ATG2A: variants seen among roughly 807,000 people sequenced by gnomAD.
The protein encoded by ATG2A is autophagy-related protein 2 homolog A.
Under a neutral mutation model 214.2 loss-of-function variants are expected in ATG2A, and 103 were observed. The ratio of observed to expected loss-of-function variants is 0.48; its 90% confidence interval spans 0.41 to 0.57. The LOEUF (loss-of-function observed/expected upper bound fraction) is 0.57, where lower values mean the gene tolerates loss of function less well. Among genes scored for constraint, ATG2A ranks in the 20% least tolerant of loss-of-function variants. The pLI, the probability that ATG2A is intolerant of heterozygous loss-of-function variation, is 0.00. For synonymous variants in ATG2A, 1,160 were observed against 1,142.1 expected, an observed-to-expected ratio of 1.02 and a Z score of -0.32; for missense variants, 2,312 against 2,613.2, an observed-to-expected ratio of 0.88 and a Z score of 2.51.
Position 64,895,529 on chromosome 11 carries a change from G to A in ATG2A, c.5428-87C>T. ...CCCAGGACAGTCTGAGACCCCACCA[G>A]CCCTCAGCCTCCCTGCCTGTCACTG... is the stretch of plus-strand genomic sequence containing the variant. On this transcript the variant is annotated intron_variant, in intron 39 of 40. Coordinates refer to ENST00000377264, the MANE Select transcript of ATG2A (RefSeq NM_015104.3). This position sits in a 1 kb window ranked among gnomAD's most constrained non-coding sequence, Gnocchi z 5.0. The A allele has an allele frequency of 1.9e-5, 26 of 1,392,368 alleles. No individual in the cohort carries two copies. The highest frequency in any genetic ancestry group is 2.5e-5 in the Non-Finnish European group (26 of 1,055,564). The allele number at this position is 1,392,368 out of a possible 1,614,324, so 86.3% of individuals were successfully genotyped here. A position where few individuals can be genotyped will look rare whatever the true frequency, so the allele number is the denominator to read the frequency against.
At position 64,909,899 on chromosome 11, in the gene ATG2A, T is replaced by G; in HGVS notation, c.1889A>C (p.Gln630Pro). The G allele has an allele frequency of 1.9e-6, 3 of 1,604,710 alleles. No individual in the cohort carries two copies. Among genetic ancestry groups the G allele is most frequent in the Non-Finnish European group, 2.6e-6 (3 of 1,176,080 alleles). The change falls in exon 14 of 41, where the codon CAG becomes CCG. Residue 630 changes from glutamine (Q) to proline (P), a missense_variant. Gln to Pro is a moderately conservative substitution (Grantham distance 76). Transcript: ENST00000377264. Reference protein sequence around the residue: ...LLTEPLPAMEQQTVFRLSAPR... With the variant: ...LLTEPLPAMEPQTVFRLSAPR... ...TGCAGAGAGCCGAAATACCGTCTGC[T>G]GCTCCATCGCCGGCAGGGGCTCTGT...
Position 64,895,231 on chromosome 11 carries a change from G to A in ATG2A, c.5581-22C>T, listed in dbSNP as rs755716969. 5 of 1,613,050 alleles carry A rather than the reference G, an allele frequency of 3.1e-6. No individual in the cohort carries two copies. Among genetic ancestry groups the A allele is most frequent in the East Asian group, 4.5e-5 (2 of 44,888 alleles). On this transcript the variant is annotated intron_variant, in intron 40 of 40. Coordinates refer to ENST00000377264, the MANE Select transcript of ATG2A (RefSeq NM_015104.3). This position sits in a 1 kb window ranked among gnomAD's most constrained non-coding sequence, Gnocchi z 5.0. Reference sequence around the variant, plus strand: ...TGCCCTGTGGAAGCCAGAGGTCAGGGCGGGGTCTGTGTGAGGAGATGGGCA... The same window carrying A: ...TGCCCTGTGGAAGCCAGAGGTCAGGACGGGGTCTGTGTGAGGAGATGGGCA...
At chr11:64,910,337 C>A (rs540741296) in intron 12 of ATG2A, 142 bp from the exon 13 acceptor site, 3 of 1,289,598 alleles carry the variant, frequency 2.3e-6, no homozygotes, top group Non-Finnish European at 1.0e-6. Context: ...TTGCCCGACG[C>A]GCACAATGTG....
Position 64,903,241 on chromosome 11 carries a change from C to T in ATG2A, c.3612+47G>A, listed in dbSNP as rs765731784. ...GCAGCCCCTGAAGACTCCCTTGGCCCCTGCACCTGCTGTGGCTCCAGGAGC... is the reference window on the plus strand; with the variant it reads ...GCAGCCCCTGAAGACTCCCTTGGCCTCTGCACCTGCTGTGGCTCCAGGAGC... On this transcript the variant is annotated intron_variant, in intron 26 of 40. Coordinates refer to ENST00000377264, the MANE Select transcript of ATG2A (RefSeq NM_015104.3). The surrounding 1 kb of genome is among the most constrained non-coding windows in gnomAD (Gnocchi z 4.2). 3.8e-6 allele frequency: 6 copies of T among 1,582,110 alleles called. No individual in the cohort carries two copies. The Admixed American group carries it at 8.4e-5, about 22-fold the overall frequency.
Position 64,895,234 on chromosome 11 carries a change from G to C in ATG2A, c.5581-25C>G, listed in dbSNP as rs778862990. ...CCTGTGGAAGCCAGAGGTCAGGGCG[G>C]GGTCTGTGTGAGGAGATGGGCATGG... On this transcript the variant is annotated intron_variant, in intron 40 of 40. Transcript: ENST00000377264. The surrounding 1 kb of genome is among the most constrained non-coding windows in gnomAD (Gnocchi z 5.0). The C allele has an allele frequency of 6.2e-7, 1 of 1,613,028 alleles. No homozygotes were observed. The highest frequency in any genetic ancestry group is 1.3e-5 in the African/African-American group (1 of 74,916).
In ATG2A at chr11:64,902,095, G is replaced by C. The variant is rs369091434; in HGVS notation, c.3986C>G (p.Pro1329Arg). The change falls in exon 29 of 41, where the codon CCT becomes CGT. Residue 1329 changes from proline to arginine, a missense_variant. By Grantham distance (103) the Pro-to-Arg change is moderately radical. Transcript: ENST00000377264. ...TAAGCTGCCAGCAGGGCCCCCGACA[G>C]GTGGTGAAGGGGGTGGGGCCCCACT... is the stretch of plus-strand genomic sequence containing the variant. ...ERSGAPPPSPPVGGPAGSLGS... is the reference protein window; with the variant it reads ...ERSGAPPPSPRVGGPAGSLGS... 1 of 1,614,012 alleles carries C rather than the reference G, an allele frequency of 6.2e-7. No individual in the cohort carries two copies. Among genetic ancestry groups the C allele is most frequent in the Non-Finnish European group, 8.5e-7 (1 of 1,180,028 alleles).
At chr11:64,911,719 G>T in intron 9 of ATG2A, 123 bp downstream of exon 9, 1 of 1,387,384 alleles carries the variant, frequency 7.2e-7, no homozygotes, top group Non-Finnish European at 9.7e-7. Context: ...AGGGAACCAA[G>T]TCACAGATGG....
At chr11:64,912,530 A>G in intron 6 of ATG2A, 107 bp from the exon 7 acceptor site, 1 of 926,836 alleles carries the variant, frequency 1.1e-6, no homozygotes, top group Non-Finnish European at 1.6e-6. Context: ...TGGCTACCAA[A>G]CTAAACTCTG....
chr11:64,897,908 G>C lies in ATG2A; in HGVS notation c.4925C>G (p.Thr1642Ser). The change falls in exon 35 of 41, where the codon ACT (threonine) becomes AGT (serine). Residue 1642 changes from threonine (T) to serine (S), a missense_variant. Transcript: ENST00000377264. ...LEGQAEGVET[T>S]GSQEAPGGGH... is the part of the protein sequence containing the mutation. ...ACCTCCTGGGGCCTCCTGCGAACCAGTGGTCTCTACGCCTTCGGCCTGCCC... is the reference window on the plus strand; with the variant it reads ...ACCTCCTGGGGCCTCCTGCGAACCACTGGTCTCTACGCCTTCGGCCTGCCC... 1.3e-6 allele frequency: 2 copies of C among 1,563,194 alleles called. No homozygotes were observed. The highest frequency in any genetic ancestry group is 1.7e-6 in the Non-Finnish European group (2 of 1,154,546).
chr11:64,901,153 C>T lies in ATG2A; in HGVS notation c.4120-61G>A. On this transcript the variant is annotated intron_variant, in intron 29 of 40. Coordinates refer to ENST00000377264, the MANE Select transcript of ATG2A (RefSeq NM_015104.3). The stretch of plus-strand genomic sequence containing the variant: ...TTCGATCCAGCCCAGCTGCCCCCAG[C>T]CCCAGCAACCTGGCCTCACTTCTTT... 2.7e-6 allele frequency: 4 copies of T among 1,482,094 alleles called. 1 individual carries two copies. Among genetic ancestry groups the T allele is most frequent in the Non-Finnish European group, 1.8e-6 (2 of 1,104,242 alleles). The allele number at this position is 1,482,094 out of a possible 1,614,324, so 91.8% of individuals were successfully genotyped here.
At chr11:64,915,536 C>T (rs912762800) in intron 1 of ATG2A, among the ~76,000 whole-genome samples, 5 of 152,036 alleles carry the variant, frequency 3.3e-5, no homozygotes, top group Non-Finnish European at 7.4e-5. Flanking sequence ...GCCTTCAAGG[C>T]GGGGCCTGCA....
At chr11:64,908,006 C>T (rs1414969887) in intron 16 of ATG2A, 116 bp from the exon 17 acceptor site, 2 of 1,243,296 alleles carry the variant, frequency 1.6e-6, no homozygotes, top group Non-Finnish European at 2.2e-6. Context: ...TCATAGGAGC[C>T]CTTCTCTACT....
rs1944443651 is a variant in ATG2A at position 64,903,747 on chromosome 11, A to G, written c.3465-87T>C. ...CCGAGCAGAGGGGTCCCAAGCCCAC[A>G]GGAGGTGGTATGGACAGGCCCCTCC... On this transcript the variant is annotated intron_variant, in intron 24 of 40. Coordinates refer to ENST00000377264, the MANE Select transcript of ATG2A (RefSeq NM_015104.3). This position sits in a 1 kb window ranked among gnomAD's most constrained non-coding sequence, Gnocchi z 4.2. 1.5e-6 allele frequency: 2 copies of G among 1,336,686 alleles called. No individual in the cohort carries two copies. The highest frequency in any genetic ancestry group is 1.0e-6 in the Non-Finnish European group (1 of 974,128). The allele number at this position is 1,336,686 out of a possible 1,614,324, so 82.8% of individuals were successfully genotyped here. A position where few individuals can be genotyped will look rare whatever the true frequency, so the allele number is the denominator to read the frequency against.
At chr11:64,904,615 GAATA>G (rs1944474317) in intron 24 of ATG2A, among the ~76,000 whole-genome samples, 1 of 151,828 alleles carries the variant, frequency 6.6e-6, no homozygotes, top group African/African-American at 2.4e-5. Flanking sequence ...AGATATTTTA[GAATA>G]AAGAAAATAA....
chr11:64,906,231 AGCCCCACCGTGCACTGGG>A (rs774999615), intron 21 of ATG2A, 38 bp from the exon 22 acceptor site: 1 of 1,609,286 alleles, frequency 6.2e-7, no homozygotes, highest in Admixed American at 1.7e-5. Context: ...TGGGGAGGCC[AGCCCCACCGTGCACTGGG>A]GCCTCACCGC....
In ATG2A at chr11:64,911,200, G is replaced by A; in HGVS notation, c.1304C>T (p.Thr435Ile). 6.2e-7 allele frequency: 1 copy of A among 1,614,134 alleles called. No homozygotes were observed. Among genetic ancestry groups the A allele is most frequent in the Non-Finnish European group, 8.5e-7 (1 of 1,180,030 alleles). Reference sequence around the variant, plus strand: ...GGCAGACGTCTGAAGCAAGGTCAGGGTCACACCCCCCAAGGTCATCTTCAG... The same window carrying A: ...GGCAGACGTCTGAAGCAAGGTCAGGATCACACCCCCCAAGGTCATCTTCAG... ...SLLKMTLGGV[T>I]LTLLQTSAPS... is the part of the protein sequence containing the mutation. The change falls in exon 10 of 41, where the codon ACC becomes ATC. Residue 435 changes from threonine to isoleucine, a missense_variant. By Grantham distance (89) the Thr-to-Ile change is moderately conservative. Transcript: ENST00000377264.
At chr11:64,915,852 G>A (rs1165583648) in intron 1 of ATG2A, among the ~76,000 whole-genome samples, 1 of 152,166 alleles carries the variant, frequency 6.6e-6, no homozygotes, top group Non-Finnish European at 1.5e-5. Context: ...CTTAGAGGCT[G>A]AGGCTAAGGT....
At chr11:64,915,469 C>T (rs1013669227) in intron 1 of ATG2A, among the ~76,000 whole-genome samples, 5 of 152,114 alleles carry the variant, frequency 3.3e-5, no homozygotes, top group African/African-American at 7.2e-5. Context: ...GACTGGGATG[C>T]GGGCCTCTTT....
At position 64,894,902 on chromosome 11, in the gene ATG2A, C is replaced by T. The variant is rs771551561; in HGVS notation, c.*71G>A. 22 of 1,573,066 alleles carry T rather than the reference C, an allele frequency of 1.4e-5. No individual in the cohort carries two copies. Among genetic ancestry groups the T allele is most frequent in the South Asian group, 3.3e-5 (3 of 90,288 alleles). ...CTGAAGGGCCAGGCCGGGCCGGGCCCGTGGGCTGCAGCTCTTGGGAGGCTC... is the reference window on the plus strand; with the variant it reads ...CTGAAGGGCCAGGCCGGGCCGGGCCTGTGGGCTGCAGCTCTTGGGAGGCTC... On this transcript the variant is annotated 3_prime_UTR_variant, in exon 41 of 41. Coordinates refer to ENST00000377264, the MANE Select transcript of ATG2A (RefSeq NM_015104.3).
Sources: allele counts gnomAD v4.1 joint callset (sites outside exome capture counted in the v4.1 genomes callset), GRCh38; gene constraint gnomAD v4.1.1; non-coding constraint Gnocchi (gnomAD v3.1); transcripts MANE v1.5; gene names NCBI Gene and HGNC (gene_info 2026-07-23, HGNC 2026-07-21).